TRIM69: variants seen among roughly 807,000 people sequenced by gnomAD.
TRIM69 encodes the protein E3 ubiquitin-protein ligase TRIM69.
TRIM69 carries 29 observed loss-of-function variants against 37.7 expected under a neutral mutation model. That is an observed-to-expected ratio of 0.77 (90% CI 0.57 to 1.05). The LOEUF is 1.05. Ranked by LOEUF, TRIM69 falls within the 50% of genes least tolerant of loss-of-function variation. TRIM69 has a pLI of 0.00. For missense variants in TRIM69, 596 were observed against 579.9 expected (o/e 1.03, Z -0.28); for synonymous variants, 209 against 212.4 (o/e 0.98, Z 0.14).
chr15:44,756,246 AG>A, intron 2 of TRIM69, 121 bp from the exon 3 acceptor site: 2 of 637,664 alleles, frequency 3.1e-6, no homozygotes, highest in Non-Finnish European at 5.6e-6. Context: ...ATACAGGGGA[AG>A]GGGAAGATTT....
Position 44,759,740 on chromosome 15 carries a change from C to T in TRIM69, c.837-8C>T, listed in dbSNP as rs1272362614. On this transcript the variant is annotated splice_polypyrimidine_tract_variant and splice_region_variant and intron_variant, in intron 5 of 6. Coordinates refer to ENST00000329464, the MANE Select transcript of TRIM69 (RefSeq NM_182985.5). ...TGTCTAAGGATAAATGATTTATGTG[C>T]CCTGCAGCTTGGAGCAAGGAATGAA... 2.5e-6 allele frequency: 4 copies of T among 1,613,996 alleles called. No individual in the cohort carries two copies. The highest frequency in any genetic ancestry group is 2.2e-5 in the East Asian group (1 of 44,898).
intron 3 of TRIM69, chr15:44,756,877 A>T (rs1298245399): frequency 6.4e-6 from 1 of 155,526 alleles, no homozygotes; most frequent in Non-Finnish European, 1.4e-5. Context: ...CTAGGTCTCT[A>T]AGGTCATAGG....
intron 5 of TRIM69, 38 bp from the exon 6 acceptor site, chr15:44,759,710 G>A: frequency 6.2e-7 from 1 of 1,614,094 alleles, no homozygotes. Context: ...TGAGTCTCTG[G>A]AGGATGTCTA....
rs771878742 is a variant in TRIM69, at chr15:44,759,632, T to C, written c.814-8T>C. 28 of 1,613,458 alleles carry C rather than the reference T, an allele frequency of 1.7e-5. No individual in the cohort carries two copies. The highest frequency in any genetic ancestry group is 1.9e-5 in the Non-Finnish European group (23 of 1,179,834). On this transcript the variant is annotated splice_region_variant and splice_polypyrimidine_tract_variant and intron_variant, in intron 4 of 6. Transcript: ENST00000329464. The stretch of plus-strand genomic sequence containing the variant: ...GCATCTGATGTCTCTCTTTCTCCTT[T>C]CTTCTAGGACATCACAACTCTCTTA...
Position 44,755,691 on chromosome 15 carries a change from G to T in TRIM69, c.483+315G>T, listed in dbSNP as rs192759851. ...TCTTGTTATAAAAAATTCAAAATTT[G>T]GTTAAGTTTAAAATGAAGAAAACAA... On this transcript the variant is annotated intron_variant, in intron 2 of 6. Transcript: ENST00000329464. Among the ~76,000 whole-genome samples, 170 of 152,202 alleles carry T rather than the reference G, an allele frequency of 1.1e-3. 1 individual carries two copies. The highest frequency in any genetic ancestry group is 6.8e-3 in the Middle Eastern group (2 of 294).
chr15:44,758,707 A>G lies in TRIM69; in HGVS notation c.666A>G (p.Leu222=). The G allele has an allele frequency of 6.2e-6, 10 of 1,614,194 alleles. No individual in the cohort carries two copies. Among genetic ancestry groups the G allele is most frequent in the Non-Finnish European group, 8.5e-6 (10 of 1,180,016 alleles). ...QFLHSKEKDI[L]TELREEGKAL... ...TGCACAGCAAAGAAAAGGACATTTTAACTGAGCTCCGGGAAGAGGGGAAAG... is the reference window on the plus strand; with the variant it reads ...TGCACAGCAAAGAAAAGGACATTTTGACTGAGCTCCGGGAAGAGGGGAAAG... The change falls in exon 4 of 7, where the codon TTA becomes TTG. Residue 222 remains leucine, a synonymous_variant. Transcript: ENST00000329464.
At chr15:44,758,002 G>C (rs1485717814) in intron 3 of TRIM69, 2 of 153,440 alleles carry the variant, frequency 1.3e-5, no homozygotes, top group African/African-American at 4.8e-5. Context: ...GAGTGAGCCT[G>C]GTGCATAAAA....
Position 44,762,168 on chromosome 15 carries a change from A to G in TRIM69, c.961+2296A>G, listed in dbSNP as rs536215701. 7.3e-4 allele frequency among the ~76,000 whole-genome samples: 111 copies of G among 152,132 alleles called. 1 individual carries two copies. Among genetic ancestry groups the G allele is most frequent in the African/African-American group, 2.6e-3 (108 of 41,514 alleles). On this transcript the variant is annotated intron_variant, in intron 6 of 6. Transcript: ENST00000329464. Reference sequence around the variant, plus strand: ...TTTTTAGTAGAGATGGGGTTTCACCATGTTAGCCAGGATGGTCTCGATCAC... The same window carrying G: ...TTTTTAGTAGAGATGGGGTTTCACCGTGTTAGCCAGGATGGTCTCGATCAC...
At chr15:44,763,496 T>C (rs1458907771) in intron 6 of TRIM69, among the ~76,000 whole-genome samples, 1 of 152,214 alleles carries the variant, frequency 6.6e-6, no homozygotes, top group East Asian at 1.9e-4. Flanking sequence ...TATACTTGTA[T>C]ACTTTGGAAG....
intron 1 of TRIM69, among the ~76,000 whole-genome samples, chr15:44,752,623 G>A (rs2087558547): frequency 6.6e-6 from 1 of 152,138 alleles, no homozygotes; most frequent in Admixed American, 6.5e-5. Flanking sequence ...TTCGTCTAAA[G>A]TAATTACTGA....
chr15:44,738,250 T>TC (rs2087207397), intron 1 of TRIM69, among the ~76,000 whole-genome samples: 1 of 149,764 alleles, frequency 6.7e-6, no homozygotes, highest in South Asian at 2.1e-4. Context: ...TTTTTTTTTT[T>TC]AGTAGAGATG....
In TRIM69 at chr15:44,767,794, T is replaced by A; in HGVS notation, c.*22T>A. 6.3e-7 allele frequency: 1 copy of A among 1,575,612 alleles called. No homozygotes were observed. Among genetic ancestry groups the A allele is most frequent in the Non-Finnish European group, 8.6e-7 (1 of 1,162,224 alleles). ...GTAATGAGTCATAATATTATACAAATTCAGAGTGTTATTAAAGAGGTATTG... is the reference window on the plus strand; with the variant it reads ...GTAATGAGTCATAATATTATACAAAATCAGAGTGTTATTAAAGAGGTATTG... On this transcript the variant is annotated 3_prime_UTR_variant, in exon 7 of 7. Transcript: ENST00000329464.
At chr15:44,758,895 C>G in intron 4 of TRIM69, 41 bp downstream of exon 4, 1 of 1,577,888 alleles carries the variant, frequency 6.3e-7, no homozygotes, top group Non-Finnish European at 8.6e-7. Context: ...ACCTTCCTAC[C>G]TAGAGGGGGG....
rs1029325273 is a variant in TRIM69, at chr15:44,758,364, G to A, written c.580-257G>A. The stretch of plus-strand genomic sequence containing the variant: ...CCACAGTCTTATTTAATATGGCATT[G>A]GTTACCATCTCAGTACTGCAATAGG... On this transcript the variant is annotated intron_variant, in intron 3 of 6. Coordinates refer to ENST00000329464, the MANE Select transcript of TRIM69 (RefSeq NM_182985.5). 2.5e-5 allele frequency: 14 copies of A among 561,010 alleles called. 1 individual carries two copies. In the South Asian group the frequency reaches 2.9e-4, roughly 12 times the overall value. The allele number at this position is 561,010 out of a possible 1,614,324, so 34.8% of individuals were successfully genotyped here. A position where few individuals can be genotyped will look rare whatever the true frequency, so the allele number is the denominator to read the frequency against.
intron 1 of TRIM69, among the ~76,000 whole-genome samples, chr15:44,741,475 A>C (rs1184928207): frequency 2.0e-5 from 3 of 152,230 alleles, no homozygotes; most frequent in Non-Finnish European, 4.4e-5. Flanking sequence ...TCAGAGCAGA[A>C]CTGAAGGAAA....
chr15:44,743,434 C>G (rs1258903224), intron 1 of TRIM69, among the ~76,000 whole-genome samples: 1 of 152,184 alleles, frequency 6.6e-6, no homozygotes, highest in Non-Finnish European at 1.5e-5. Flanking sequence ...ACACCAAAAG[C>G]AAGGGCAACA....
Position 44,750,708 on chromosome 15 carries a change from A to AATT in TRIM69, c.7-4192_7-4191insATT, listed in dbSNP as rs1566893082. Among the ~76,000 whole-genome samples the AATT allele has an allele frequency of 2.6e-5, 3 of 117,084 alleles. 1 individual carries two copies. Among genetic ancestry groups the AATT allele is most frequent in the African/African-American group, 9.9e-5 (3 of 30,312 alleles). The allele number at this position is 117,084 out of a possible 152,430, so 76.8% of individuals were successfully genotyped here. On this transcript the variant is annotated intron_variant, in intron 1 of 6. Coordinates refer to ENST00000329464, the MANE Select transcript of TRIM69 (RefSeq NM_182985.5). ...CAAAGAATCGCATTTTTATTTCATTACTTTTTCTTTTTTTTTTTTTTTTTT... is the reference window on the plus strand; with the variant it reads ...CAAAGAATCGCATTTTTATTTCATTAATTCTTTTTCTTTTTTTTTTTTTTTTTT...
rs769408814 is a variant in TRIM69, at chr15:44,759,771, T to G, written c.860T>G (p.Leu287Arg). The change falls in exon 6 of 7, where the codon CTG becomes CGG. Residue 287 changes from leucine (L) to arginine (R), a missense_variant. Leu to Arg is a moderately radical substitution (Grantham distance 102, BLOSUM62 -2). Coordinates refer to ENST00000329464, the MANE Select transcript of TRIM69 (RefSeq NM_182985.5). ...LHSLEQGMKV[L>R]ATRELISRKL... is the part of the protein sequence containing the mutation. ...AGCTTGGAGCAAGGAATGAAGGTGC[T>G]GGCAACCAGAGAGCTTATTTCCAGA... The G allele has an allele frequency of 8.1e-6, 13 of 1,614,080 alleles. No homozygotes were observed. The highest frequency in any genetic ancestry group is 1.1e-5 in the Non-Finnish European group (13 of 1,180,040).
chr15:44,758,908 G>A, intron 4 of TRIM69, 54 bp downstream of exon 4: 6 of 1,561,986 alleles, frequency 3.8e-6, no homozygotes, highest in Non-Finnish European at 5.2e-6. Context: ...GAGGGGGGAA[G>A]AGGTTTGGAA....
Sources: gnomAD v4.1 joint callset for allele counts (sites outside exome capture counted in the v4.1 genomes callset) on GRCh38, gnomAD v4.1.1 for gene constraint, MANE v1.5 for transcripts, NCBI Gene and HGNC (gene_info 2026-07-23, HGNC 2026-07-21) for gene names.